ADAM20: variants seen among roughly 807,000 people sequenced by gnomAD.
The protein encoded by ADAM20 is disintegrin and metalloproteinase domain-containing protein 20.
For synonymous variants in ADAM20, 305 were observed against 310.2 expected (o/e 0.98, Z 0.18); for missense variants, 871 against 883.2 (o/e 0.99, Z 0.18).
the ADAM20 span, among the ~76,000 whole-genome samples, chr14:70,560,558 T>TA: frequency 6.6e-6 from 1 of 152,108 alleles, no homozygotes; most frequent in South Asian, 2.1e-4. Context: ...TCAGAAAACA[T>TA]ATGGTTTAGA....
intron 1 of ADAM20, among the ~76,000 whole-genome samples, chr14:70,529,820 T>C (rs1182972131): frequency 6.6e-6 from 1 of 152,204 alleles, no homozygotes; most frequent in African/African-American, 2.4e-5. Flanking sequence ...TTATAAACAC[T>C]GTGCACTTAG....
chr14:70,569,565 T>C, the ADAM20 span, among the ~76,000 whole-genome samples: 3 of 151,450 alleles, frequency 2.0e-5, no homozygotes, highest in Non-Finnish European at 4.4e-5. Flanking sequence ...AGTAAAGAAA[T>C]GGAAAAACAT....
At chr14:70,538,795 C>CTGTTT (rs1566660814), upstream of ADAM20, among the ~76,000 whole-genome samples, 1 of 152,130 alleles carries the variant, frequency 6.6e-6, no homozygotes, top group Admixed American at 6.6e-5. Context: ...TTTCCTAGCC[C>CTGTTT]TGTTTTGTTT....
the ADAM20 span, among the ~76,000 whole-genome samples, chr14:70,575,609 A>G: frequency 6.6e-6 from 1 of 152,238 alleles, no homozygotes; most frequent in Non-Finnish European, 1.5e-5. Context: ...AAGACATATA[A>G]AGTTGTAAAA....
At chr14:70,566,901 G>A in the ADAM20 span, among the ~76,000 whole-genome samples, 16 of 152,156 alleles carry the variant, frequency 1.1e-4, no homozygotes, top group African/African-American at 2.7e-4. Context: ...AGAATTGCTC[G>A]AACCCAGGAG....
chr14:70,555,709 T>C, the ADAM20 span, among the ~76,000 whole-genome samples: 1 of 152,212 alleles, frequency 6.6e-6, no homozygotes, highest in Non-Finnish European at 1.5e-5. Flanking sequence ...GTGGCCAAGA[T>C]TCCCTACGTT....
At chr14:70,561,933 G>C in the ADAM20 span, among the ~76,000 whole-genome samples, 1 of 152,278 alleles carries the variant, frequency 6.6e-6, no homozygotes. Context: ...GCAATGCAGA[G>C]GGGAAATGTG....
chr14:70,544,803 T>C, the ADAM20 span, among the ~76,000 whole-genome samples: 1 of 152,124 alleles, frequency 6.6e-6, no homozygotes, highest in Admixed American at 6.5e-5. Context: ...CTATATCCCA[T>C]AAATATGTAT....
the ADAM20 span, among the ~76,000 whole-genome samples, chr14:70,563,597 A>G: frequency 6.6e-6 from 1 of 152,166 alleles, no homozygotes; most frequent in East Asian, 1.9e-4. Flanking sequence ...TGGAGGTGGA[A>G]CCTGTTAGGA....
upstream of ADAM20, among the ~76,000 whole-genome samples, chr14:70,537,195 C>CT (rs1339850583): frequency 6.6e-6 from 1 of 152,130 alleles, no homozygotes; most frequent in Non-Finnish European, 1.5e-5. Flanking sequence ...TCTCACTTCA[C>CT]TTTTTGAGCA....
chr14:70,568,312 G>C, the ADAM20 span, among the ~76,000 whole-genome samples: 4 of 152,074 alleles, frequency 2.6e-5, no homozygotes, highest in Non-Finnish European at 4.4e-5. Context: ...ACCAATAAAT[G>C]AAACAAAAAG....
the ADAM20 span, among the ~76,000 whole-genome samples, chr14:70,540,407 C>G: frequency 6.6e-6 from 1 of 152,168 alleles, no homozygotes. Flanking sequence ...TGGAAACTTT[C>G]AGTTCACATG....
At chr14:70,535,333 AT>A (rs199794679), upstream of ADAM20, among the ~76,000 whole-genome samples, 4,673 of 152,276 alleles carry the variant, frequency 0.031, 164 homozygotes, top group Admixed American at 0.078. Context: ...TGAAAACAAA[AT>A]TTAATTGAAA....
chr14:70,566,491 A>G, the ADAM20 span, among the ~76,000 whole-genome samples: 8 of 152,330 alleles, frequency 5.3e-5, no homozygotes, highest in African/African-American at 1.9e-4. Context: ...GTCACCAAAG[A>G]AGACAAAAGG....
the ADAM20 span, among the ~76,000 whole-genome samples, chr14:70,574,359 G>C: frequency 1.3e-5 from 2 of 152,138 alleles, no homozygotes; most frequent in African/African-American, 4.8e-5. Flanking sequence ...CATTAAGAAA[G>C]AAGAGGCCGG....
the ADAM20 span, among the ~76,000 whole-genome samples, chr14:70,541,472 G>A: frequency 3.3e-5 from 5 of 152,044 alleles, no homozygotes; most frequent in Admixed American, 3.3e-4. Context: ...AAAGCACAAT[G>A]GGTTTTTTTA....
intron 1 of ADAM20, among the ~76,000 whole-genome samples, chr14:70,534,082 CAAAAAAAAAAA>C (rs59828723): frequency 2.4e-4 from 13 of 54,068 alleles, no homozygotes; most frequent in Admixed American, 2.0e-3. Flanking sequence ...GACCCTGTCT[CAAAAAAAAAAA>C]AAAAAAAAAA....
chr14:70,539,208 T>C (rs1444960963), upstream of ADAM20, among the ~76,000 whole-genome samples: 1 of 150,432 alleles, frequency 6.6e-6, no homozygotes, highest in African/African-American at 2.5e-5. Context: ...AAAGATGAAA[T>C]GCTCCTGATT....
rs531350369 is a variant in ADAM20 at position 70,524,049 on chromosome 14, C to G, written c.709G>C (p.Val237Leu). 2 of 1,613,852 alleles carry G rather than the reference C, an allele frequency of 1.2e-6. No individual in the cohort carries two copies. The highest frequency in any genetic ancestry group is 3.3e-4 in the Middle Eastern group (2 of 6,058). Residue 237 changes from valine (V) to leucine (L), a missense_variant, in exon 2 of 2, where the codon GTT (valine) becomes CTT (leucine). Physicochemically the swap from Val to Leu is conservative, Grantham distance 32. Coordinates refer to ENST00000256389, the MANE Select transcript of ADAM20 (RefSeq NM_003814.5). ...ATTVQHEVFNVVNIVDSFYHP... is the reference protein window; with the variant it reads ...ATTVQHEVFNLVNIVDSFYHP... Reference sequence around the variant, plus strand: ...TAGAAGGAATCCACTATATTGACAACGTTAAATACTTCATGCTGCACTGTT... The same window carrying G: ...TAGAAGGAATCCACTATATTGACAAGGTTAAATACTTCATGCTGCACTGTT...
Sources: allele counts gnomAD v4.1 joint callset (sites outside exome capture counted in the v4.1 genomes callset), GRCh38; gene constraint gnomAD v4.1.1; transcripts MANE v1.5; gene names NCBI Gene and HGNC (gene_info 2026-07-23, HGNC 2026-07-21).